The following ARHGEF28 variants were observed in gnomAD, a reference collection of about 807,000 sequenced individuals.
ARHGEF28 encodes Rho guanine nucleotide exchange factor 28.
Under a neutral mutation model 206.6 loss-of-function variants are expected in ARHGEF28, and 152 were observed. The observed-to-expected ratio is 0.74, with a 90% CI of 0.64 to 0.84. ARHGEF28 has a LOEUF of 0.84. Among genes scored for constraint, ARHGEF28 ranks in the 40% least tolerant of loss-of-function variants. ARHGEF28 has a pLI of 0.00. For synonymous variants in ARHGEF28, 763 were observed against 776.4 expected, an observed-to-expected ratio of 0.98 and a Z score of 0.29; for missense variants, 2,028 against 2,073.2, an observed-to-expected ratio of 0.98 and a Z score of 0.42.
chr5:73,692,043 T>C (rs1747865836), intron 2 of ARHGEF28, among the ~76,000 whole-genome samples: 4 of 152,242 alleles, frequency 2.6e-5, no homozygotes, highest in Admixed American at 2.6e-4. Context: ...TTAATGTCTA[T>C]TTCTTTAGCT....
chr5:73,771,641 A>G (rs1753229648), intron 4 of ARHGEF28, among the ~76,000 whole-genome samples: 1 of 152,018 alleles, frequency 6.6e-6, no homozygotes, highest in African/African-American at 2.4e-5. Flanking sequence ...ACATGCACAT[A>G]TGTGTGCATA....
At chr5:73,830,768 A>AT (rs899038079) in intron 9 of ARHGEF28, among the ~76,000 whole-genome samples, 66 of 149,250 alleles carry the variant, frequency 4.4e-4, no homozygotes, top group East Asian at 1.4e-3. Flanking sequence ...GAAAGAATGG[A>AT]TTTTTTTTTT....
chr5:73,884,324 A>G (rs1458582211), intron 24 of ARHGEF28, among the ~76,000 whole-genome samples: 1 of 152,222 alleles, frequency 6.6e-6, no homozygotes, highest in African/African-American at 2.4e-5. Context: ...TCAATTCATC[A>G]AGTTCCAGGG....
chr5:73,825,991 A>C (rs1579946143), intron 9 of ARHGEF28, among the ~76,000 whole-genome samples: 1 of 152,140 alleles, frequency 6.6e-6, no homozygotes, highest in South Asian at 2.1e-4. Context: ...AACCAAGGGA[A>C]GAGTGGAGAG....
intron 9 of ARHGEF28, chr5:73,813,435 A>G: frequency 7.2e-7 from 1 of 1,397,122 alleles, no homozygotes; most frequent in African/African-American, 1.4e-5. Context: ...CAAAACATTT[A>G]TTGCCTTTCC....
chr5:73,912,953 T>C (rs1484029258), intron 35 of ARHGEF28, among the ~76,000 whole-genome samples: 2 of 152,252 alleles, frequency 1.3e-5, no homozygotes, highest in Non-Finnish European at 1.5e-5. Context: ...CATTCAGCTT[T>C]TGTTTAAAAG....
intron 1 of ARHGEF28, among the ~76,000 whole-genome samples, chr5:73,648,351 G>A (rs1177326874): frequency 1.3e-5 from 2 of 152,146 alleles, no homozygotes; most frequent in Non-Finnish European, 2.9e-5. Flanking sequence ...TCAAGATCGA[G>A]TTGTTTATGT....
At chr5:73,911,218 A>T in intron 34 of ARHGEF28, 57 bp from the exon 35 acceptor site, 1 of 1,431,020 alleles carries the variant, frequency 7.0e-7, no homozygotes, top group African/African-American at 1.4e-5. Context: ...TAAATACTTT[A>T]TGAAACTTGT....
In ARHGEF28 at chr5:73,781,266, C is replaced by T. The variant is rs116311944; in HGVS notation, c.910+521C>T. Among the ~76,000 whole-genome samples, 1,014 of 152,276 alleles carry T rather than the reference C, an allele frequency of 6.7e-3. 6 individuals are homozygous for T. The highest frequency in any genetic ancestry group is 0.01 in the Non-Finnish European group (695 of 68,012). ...AGAACAGCCCTATGCAACTAAGAGT[C>T]GTCCTGTACAGCTGTTTACAGTCCT... On this transcript the variant is annotated intron_variant, in intron 7 of 35. Coordinates refer to ENST00000513042, the MANE Select transcript of ARHGEF28 (RefSeq NM_001177693.2).
At chr5:73,718,741 T>C (rs2112324738) in intron 2 of ARHGEF28, among the ~76,000 whole-genome samples, 1 of 152,320 alleles carries the variant, frequency 6.6e-6, no homozygotes, top group South Asian at 2.1e-4. Flanking sequence ...GTAATCACTC[T>C]ACTCCTGAGG....
intron 4 of ARHGEF28, among the ~76,000 whole-genome samples, chr5:73,766,786 G>A (rs1752917429): frequency 2.6e-5 from 4 of 152,220 alleles, no homozygotes; most frequent in Admixed American, 2.6e-4. Context: ...GGAAAACACA[G>A]CAGCATTATC....
chr5:73,750,664 G>A (rs1481636931), intron 3 of ARHGEF28, among the ~76,000 whole-genome samples: 1 of 152,002 alleles, frequency 6.6e-6, no homozygotes, highest in Non-Finnish European at 1.5e-5. Context: ...TATTTTTATT[G>A]GTATGTGGGT....
At chr5:73,867,723 G>C (rs1270137730) in intron 18 of ARHGEF28, among the ~76,000 whole-genome samples, 153 bp from the exon 19 acceptor site, 3 of 152,220 alleles carry the variant, frequency 2.0e-5, no homozygotes, top group Non-Finnish European at 2.9e-5. Context: ...AGGAGCAAGT[G>C]TCAGGATCTA....
intron 26 of ARHGEF28, among the ~76,000 whole-genome samples, chr5:73,889,388 G>A (rs1268235412): frequency 6.6e-6 from 1 of 152,212 alleles, no homozygotes; most frequent in Non-Finnish European, 1.5e-5. Context: ...TTTTTATAAA[G>A]GACTCAGCTG....
At chr5:73,923,607 A>G (rs1348879539) in intron 35 of ARHGEF28, among the ~76,000 whole-genome samples, 1 of 152,226 alleles carries the variant, frequency 6.6e-6, no homozygotes, top group Non-Finnish European at 1.5e-5. Context: ...CTTGCCTACT[A>G]TGATAGCCAG....
At chr5:73,726,598 C>T (rs1267518421) in intron 2 of ARHGEF28, among the ~76,000 whole-genome samples, 2 of 152,176 alleles carry the variant, frequency 1.3e-5, no homozygotes, top group Non-Finnish European at 2.9e-5. Flanking sequence ...TTACTAAGCA[C>T]AGTGTAAGTT....
intron 31 of ARHGEF28, 192 bp downstream of exon 31, chr5:73,901,476 G>A: frequency 2.2e-6 from 1 of 459,818 alleles, no homozygotes; most frequent in Non-Finnish European, 4.0e-6. Context: ...CCTGTGTCAT[G>A]TAGGTGTAAA....
At chr5:73,649,389 C>G (rs887179655) in intron 1 of ARHGEF28, among the ~76,000 whole-genome samples, 24 of 152,114 alleles carry the variant, frequency 1.6e-4, no homozygotes, top group African/African-American at 5.1e-4. Flanking sequence ...AAAAAGCATG[C>G]CTTGTTGGTA....
chr5:73,785,514 T>A (rs1402471096), intron 7 of ARHGEF28, among the ~76,000 whole-genome samples: 1 of 152,146 alleles, frequency 6.6e-6, no homozygotes, highest in Non-Finnish European at 1.5e-5. Flanking sequence ...CTGTTCACAG[T>A]GATCTTGAAT....
Sources: gnomAD v4.1 joint callset for allele counts (sites outside exome capture counted in the v4.1 genomes callset) on GRCh38, gnomAD v4.1.1 for gene constraint, MANE v1.5 for transcripts, NCBI Gene and HGNC (gene_info 2026-07-23, HGNC 2026-07-21) for gene names.